Variants in BABAM2 observed in about 807,000 individuals in gnomAD.
The protein encoded by BABAM2 is BRISC and BRCA1 A complex member 2.
A neutral mutation model predicts 54.7 loss-of-function variants in BABAM2; 31 were observed. The ratio of observed to expected loss-of-function variants is 0.57; its 90% CI spans 0.43 to 0.77. The LOEUF is 0.77. Ranked by LOEUF, BABAM2 falls within the 30% of genes least tolerant of loss-of-function variation. The pLI, the probability that BABAM2 is intolerant of heterozygous loss-of-function variation, is 0.00. For synonymous variants in BABAM2, 167 were observed against 162.9 expected, an observed-to-expected ratio of 1.03 and a Z score of -0.19; for missense variants, 364 against 455.8, an observed-to-expected ratio of 0.80 and a Z score of 1.83.
At chr2:28,155,390 T>C (rs542633892) in intron 7 of BABAM2, among the ~76,000 whole-genome samples, 1 of 152,208 alleles carries the variant, frequency 6.6e-6, no homozygotes, top group South Asian at 2.1e-4. Context: ...GAGAAAAGGA[T>C]AGGGAATTTA....
intron 7 of BABAM2, among the ~76,000 whole-genome samples, chr2:28,216,808 T>C (rs1042869913): frequency 6.6e-6 from 1 of 152,210 alleles, no homozygotes; most frequent in African/African-American, 2.4e-5. Context: ...TCCTTCATAA[T>C]CTGGCCTTTT....
chr2:27,961,068 T>G (rs1182702232), intron 3 of BABAM2, among the ~76,000 whole-genome samples: 1 of 152,140 alleles, frequency 6.6e-6, no homozygotes, highest in South Asian at 2.1e-4. Context: ...TTAGACACTT[T>G]AGGAGTAACA....
At chr2:27,946,703 G>GAGAGAGAGAGAGAGCA (rs1199452164) in intron 3 of BABAM2, among the ~76,000 whole-genome samples, 3 of 151,008 alleles carry the variant, frequency 2.0e-5, no homozygotes, top group Admixed American at 2.0e-4. Context: ...GAGAAGAGAG[G>GAGAGAGAGAGAGAGCA]AGAGAGAGAG....
intron 3 of BABAM2, among the ~76,000 whole-genome samples, chr2:27,981,421 T>C (rs1010520044): frequency 2.0e-5 from 3 of 152,140 alleles, no homozygotes; most frequent in African/African-American, 7.2e-5. Context: ...TTTACAAATA[T>C]AGTCACAAAG....
chr2:28,331,609 A>G (rs540501673), intron 11 of BABAM2, among the ~76,000 whole-genome samples: 1 of 152,234 alleles, frequency 6.6e-6, no homozygotes, highest in Non-Finnish European at 1.5e-5. Context: ...AATCAAAACC[A>G]CAATGAGATA....
intron 7 of BABAM2, among the ~76,000 whole-genome samples, chr2:28,227,409 G>A (rs1161919188): frequency 1.3e-5 from 2 of 152,064 alleles, no homozygotes; most frequent in Non-Finnish European, 2.9e-5. Context: ...ACCTGGCCTC[G>A]GATCCATTGC....
intron 3 of BABAM2, among the ~76,000 whole-genome samples, chr2:27,978,255 G>GC (rs1301620742): frequency 6.6e-6 from 1 of 152,076 alleles, no homozygotes; most frequent in East Asian, 1.9e-4. Flanking sequence ...TGCTCTCACT[G>GC]CCACTCTCAT....
chr2:28,338,656 C>T lies in BABAM2; in HGVS notation c.*143C>T. ...GCAGCTTTTGCACGCCCCAGGCAGC[C>T]CCGACTGCTGAAATCCAACTTGAGC... On this transcript the variant is annotated 3_prime_UTR_variant, in exon 12 of 12. Transcript: ENST00000379624. 1 of 930,586 alleles carries T rather than the reference C, an allele frequency of 1.1e-6. No individual in the cohort carries two copies. The highest frequency in any genetic ancestry group is 1.5e-5 in the South Asian group (1 of 67,690). The allele number at this position is 930,586 out of a possible 1,614,324, so 57.6% of individuals were successfully genotyped here.
chr2:28,187,768 A>T (rs1408237349), intron 7 of BABAM2, among the ~76,000 whole-genome samples: 1 of 145,866 alleles, frequency 6.9e-6, no homozygotes, highest in African/African-American at 2.5e-5. Flanking sequence ...TCCTGGGTTC[A>T]AGCGATTATC....
At chr2:28,107,614 A>G (rs1303228100) in intron 6 of BABAM2, among the ~76,000 whole-genome samples, 4 of 152,116 alleles carry the variant, frequency 2.6e-5, no homozygotes, top group Admixed American at 1.3e-4. Flanking sequence ...AACTAGGACC[A>G]TTACCTCTTC....
chr2:27,921,153 C>G (rs979152492), intron 2 of BABAM2, among the ~76,000 whole-genome samples: 2 of 152,030 alleles, frequency 1.3e-5, no homozygotes, highest in African/African-American at 4.8e-5. Flanking sequence ...ATATAGTTTG[C>G]TAAATCAGTG....
At chr2:28,310,230 C>T in intron 11 of BABAM2, 3 of 1,439,632 alleles carry the variant, frequency 2.1e-6, no homozygotes, top group South Asian at 2.3e-5. Flanking sequence ...AAAGCCTGGC[C>T]ATCAATTACT....
intron 7 of BABAM2, among the ~76,000 whole-genome samples, chr2:28,165,528 G>GTTTT (rs1164223138): frequency 2.2e-5 from 2 of 90,434 alleles, no homozygotes; most frequent in Non-Finnish European, 4.7e-5. Context: ...TTTTTTCCTT[G>GTTTT]CTTTTTTTTT....
At chr2:28,115,433 T>C (rs955245330) in intron 6 of BABAM2, among the ~76,000 whole-genome samples, 2 of 152,052 alleles carry the variant, frequency 1.3e-5, no homozygotes, top group African/African-American at 4.8e-5. Context: ...GAGACCATCC[T>C]GGCTAACACG....
At position 28,175,241 on chromosome 2, in the gene BABAM2, C is replaced by T. The variant is rs117952190; in HGVS notation, c.680+45861C>T. ...TGCTACTGACAGCAACTCTGTCCAC[C>T]CCCTGCAGGGCTGCAGAGCACTTGC... On this transcript the variant is annotated intron_variant, in intron 7 of 11. Coordinates refer to ENST00000379624, the MANE Select transcript of BABAM2 (RefSeq NM_199191.3). Among the ~76,000 whole-genome samples the T allele has an allele frequency of 6.2e-4, 95 of 152,284 alleles. 1 individual carries two copies. The highest frequency in any genetic ancestry group is 3.4e-3 in the Admixed American group (52 of 15,304).
chr2:27,957,095 T>C (rs1227920761), intron 3 of BABAM2, among the ~76,000 whole-genome samples: 1 of 151,954 alleles, frequency 6.6e-6, no homozygotes, highest in Admixed American at 6.6e-5. Context: ...GTAGAGCAAA[T>C]TGCAAAACTG....
intron 10 of BABAM2, among the ~76,000 whole-genome samples, chr2:28,289,332 C>T (rs1453084552): frequency 5.3e-5 from 8 of 152,150 alleles, no homozygotes; most frequent in Non-Finnish European, 5.9e-5. Flanking sequence ...CTGATTTCTG[C>T]GTCTGTGAAT....
chr2:28,207,199 A>G (rs1158930634), intron 7 of BABAM2, among the ~76,000 whole-genome samples: 3 of 152,236 alleles, frequency 2.0e-5, no homozygotes, highest in East Asian at 1.9e-4. Flanking sequence ...AACTACAAAA[A>G]TTATTTAAAG....
At chr2:28,066,495 T>G (rs1663592243) in intron 6 of BABAM2, among the ~76,000 whole-genome samples, 1 of 152,238 alleles carries the variant, frequency 6.6e-6, no homozygotes, top group Non-Finnish European at 1.5e-5. Context: ...TTTAGTGGCT[T>G]AAGACAATAA....
Sources: allele counts gnomAD v4.1 joint callset (sites outside exome capture counted in the v4.1 genomes callset), GRCh38; gene constraint gnomAD v4.1.1; transcripts MANE v1.5; gene names NCBI Gene and HGNC (gene_info 2026-07-23, HGNC 2026-07-21).